The following SUCO variants were observed in gnomAD, a reference collection of about 807,000 sequenced individuals.
SUCO encodes SUN domain containing ossification factor.
SUCO carries 57 observed loss-of-function variants against 148.1 expected under a neutral mutation model. That is an observed-to-expected ratio of 0.38 (90% confidence interval 0.31 to 0.48). SUCO has a LOEUF of 0.48. Among genes scored for constraint, SUCO ranks in the 20% least tolerant of loss-of-function variants. The probability of loss-of-function intolerance (pLI) is 0.96; values close to 1 mark genes in which losing one functional copy is unlikely to be tolerated. For missense variants in SUCO, 1,331 were observed against 1,468.2 expected (o/e 0.91, Z 1.53); for synonymous variants, 470 against 502.7 (o/e 0.93, Z 0.87).
chr1:172,532,418 G>A, upstream of SUCO: 7 of 1,414,086 alleles, frequency 5.0e-6, no homozygotes, highest in East Asian at 2.3e-5. Flanking sequence ...GGCAAGCGGC[G>A]AAATTCTTGC....
chr1:172,532,856 C>T, upstream of SUCO: 5 of 1,529,584 alleles, frequency 3.3e-6, no homozygotes, highest in Non-Finnish European at 4.4e-6. Flanking sequence ...GCTTTCTGAA[C>T]GCAAGCCAGC....
At chr1:172,544,136 CTT>C in intron 1 of SUCO, 1 of 976,088 alleles carries the variant, frequency 1.0e-6, no homozygotes, top group Non-Finnish European at 1.2e-6. Flanking sequence ...TCACTGATAA[CTT>C]TAACCATACT....
At chr1:172,557,577 T>G (rs1177297905) in intron 5 of SUCO, 67 bp from the exon 6 acceptor site, 1 of 1,481,942 alleles carries the variant, frequency 6.7e-7, no homozygotes, top group East Asian at 2.3e-5. Context: ...TTCAAAGAAT[T>G]TAGATTGTAT....
chr1:172,563,620 G>T (rs898771978), intron 6 of SUCO, among the ~76,000 whole-genome samples: 21 of 152,148 alleles, frequency 1.4e-4, no homozygotes, highest in African/African-American at 4.8e-4. Context: ...CAAAGAAATG[G>T]CCTAAAACTG....
In SUCO at chr1:172,533,330, C is replaced by CG; in HGVS notation, c.-104dup. On this transcript the variant is annotated 5_prime_UTR_variant, in exon 1 of 24. Transcript: ENST00000263688. ...CCAGCGCCATAGCCCTTAGGACTAT[C>CG]GGTCACATTCTCGCGCTCCTGCTCC... 2 of 1,551,426 alleles carry CG rather than the reference C, an allele frequency of 1.3e-6. No homozygotes were observed. Among genetic ancestry groups the CG allele is most frequent in the Non-Finnish European group, 1.7e-6 (2 of 1,146,968 alleles).
At chr1:172,537,124 GA>G (rs1340597587) in intron 1 of SUCO, among the ~76,000 whole-genome samples, 1 of 151,826 alleles carries the variant, frequency 6.6e-6, no homozygotes, top group Admixed American at 6.6e-5. Context: ...CCCTAAAGAG[GA>G]AAAAAACATA....
chr1:172,579,397 CT>C, intron 15 of SUCO, 130 bp downstream of exon 15: 1 of 543,918 alleles, frequency 1.8e-6, no homozygotes, highest in Non-Finnish European at 3.3e-6. Flanking sequence ...AAGATACTGT[CT>C]TTTGAAAAGT....
At position 172,565,054 on chromosome 1, in the gene SUCO, A is replaced by ATTCTG. The variant is rs912098458; in HGVS notation, c.733-3959_733-3955dup. Among the ~76,000 whole-genome samples the ATTCTG allele has an allele frequency of 1.4e-3, 213 of 151,978 alleles. 2 individuals carry two copies. Among genetic ancestry groups the ATTCTG allele is most frequent in the African/African-American group, 5.0e-3 (206 of 41,320 alleles). ...CCATACAATAAGCTCAGTCTATTCT[A>ATTCTG]TTCTGTTCTGATCTGTTCTGTTCTG... is the stretch of plus-strand genomic sequence containing the variant. On this transcript the variant is annotated intron_variant, in intron 6 of 23. Coordinates refer to ENST00000263688, the MANE Select transcript of SUCO (RefSeq NM_014283.5).
Position 172,577,713 on chromosome 1 carries a change from A to C in SUCO, c.1285-51A>C, listed in dbSNP as rs919662005. The C allele has an allele frequency of 2.5e-6, 4 of 1,587,008 alleles. No individual in the cohort carries two copies. In the Admixed American group the frequency reaches 7.0e-5, roughly 28 times the overall value. On this transcript the variant is annotated intron_variant, in intron 12 of 23. Transcript: ENST00000263688. ...AAAAAACTGAGTATATTGTTAGATAATCTTACATGCTCTCTGCTGGCTTCC... is the reference window on the plus strand; with the variant it reads ...AAAAAACTGAGTATATTGTTAGATACTCTTACATGCTCTCTGCTGGCTTCC...
At chr1:172,570,313 CA>C (rs1217100401) in intron 8 of SUCO, 142 bp downstream of exon 8, 33 of 510,262 alleles carry the variant, frequency 6.5e-5, no homozygotes, top group Non-Finnish European at 1.1e-4. Context: ...CTTTTCAAAA[CA>C]TTATCTTGTA....
intron 19 of SUCO, chr1:172,599,496 GA>G (rs1657360466): frequency 1.8e-6 from 1 of 571,416 alleles, no homozygotes; most frequent in Admixed American, 6.4e-5. Context: ...AAAACAGATG[GA>G]AAGATAGGCA....
intron 1 of SUCO, among the ~76,000 whole-genome samples, chr1:172,547,733 T>A (rs1652969598): frequency 6.6e-6 from 1 of 152,172 alleles, no homozygotes; most frequent in South Asian, 2.1e-4. Flanking sequence ...GAGAAAGGAA[T>A]TCTAAAAAAG....
rs1249711260 is a variant in SUCO, at chr1:172,575,579, CAG to C, written c.1222_1223del (p.Ser408PhefsTer5). ...TFHGRDERNVQSFPLDEQMYA... is the reference protein window; with the variant it reads ...TFHGRDERNVXSFPLDEQMYA... ...TCATGGTAGAGATGAGCGGAATGTA[CAG>C]AGTTTCCCTTTAGATGAACAGATGT... On this transcript the variant is annotated frameshift_variant, in exon 11 of 24. Coordinates refer to ENST00000263688, the MANE Select transcript of SUCO (RefSeq NM_014283.5). LOFTEE classifies it high-confidence loss of function. 13 of 1,611,958 alleles carry C rather than the reference CAG, an allele frequency of 8.1e-6. No individual in the cohort carries two copies. Among genetic ancestry groups the C allele is most frequent in the African/African-American group, 1.3e-5 (1 of 74,822 alleles).
intron 1 of SUCO, among the ~76,000 whole-genome samples, chr1:172,546,229 A>C (rs745747165): frequency 4.3e-4 from 66 of 152,326 alleles, no homozygotes; most frequent in Admixed American, 7.8e-4. Flanking sequence ...CAAATAAGGA[A>C]ACTGAAGCTC....
intron 1 of SUCO, among the ~76,000 whole-genome samples, chr1:172,549,828 C>T (rs1255505459): frequency 1.3e-5 from 2 of 149,474 alleles, no homozygotes; most frequent in Non-Finnish European, 3.0e-5. Context: ...TATTAAAGAT[C>T]GTAGGTTGCC....
intron 15 of SUCO, among the ~76,000 whole-genome samples, chr1:172,580,315 A>G (rs551369376): frequency 6.6e-6 from 1 of 152,334 alleles, no homozygotes; most frequent in East Asian, 1.9e-4. Flanking sequence ...TTTTGTGATT[A>G]CAAAGTAATA....
intron 22 of SUCO, 125 bp from the exon 23 acceptor site, chr1:172,608,622 C>A: frequency 1.3e-6 from 1 of 749,376 alleles, no homozygotes. Context: ...GATACAAATT[C>A]ATTGGTTCTA....
Position 172,533,217 on chromosome 1 carries a change from C to A in SUCO, c.-219C>A, listed in dbSNP as rs769175469. On this transcript the variant is annotated 5_prime_UTR_variant, in exon 1 of 24. Transcript: ENST00000263688. ...CCGGTGGCTGCAGCGGCGGCGGTCC[C>A]CGGAGTCCTGTGAAGCGCCCCTGTC... 6.1e-5 allele frequency: 94 copies of A among 1,532,812 alleles called. No homozygotes were observed. The highest frequency in any genetic ancestry group is 2.6e-6 in the Non-Finnish European group (3 of 1,139,216). 95.0% of individuals were successfully genotyped at this position (1,532,812 alleles called of 1,614,324 possible).
At position 172,609,881 on chromosome 1, in the gene SUCO, C is replaced by G. The variant is rs1312369868; in HGVS notation, c.3387C>G (p.Pro1129=). 6.2e-7 allele frequency: 1 copy of G among 1,613,694 alleles called. No individual in the cohort carries two copies. Among genetic ancestry groups the G allele is most frequent in the South Asian group, 1.1e-5 (1 of 91,058 alleles). The part of the protein sequence containing the change: ...ETIKPEEPLH[P]IANGDIKGRK... ...TAAAGCCTGAAGAACCATTGCACCC[C>G]ATAGCCAATGGCGACATAAAAGGAA... The change falls in exon 24 of 24, where the codon CCC becomes CCG. Residue 1129 remains proline (P), a synonymous_variant. Coordinates refer to ENST00000263688, the MANE Select transcript of SUCO (RefSeq NM_014283.5).
Sources: allele counts gnomAD v4.1 joint callset (sites outside exome capture counted in the v4.1 genomes callset), GRCh38; gene constraint gnomAD v4.1.1; transcripts MANE v1.5; gene names NCBI Gene and HGNC (gene_info 2026-07-23, HGNC 2026-07-21).